The following SUCO variants were observed in gnomAD, a reference collection of about 807,000 sequenced individuals.
SUCO encodes SUN domain-containing ossification factor.
Under a neutral mutation model 148.1 loss-of-function variants are expected in SUCO, and 57 were observed. The ratio of observed to expected loss-of-function variants is 0.38; its 90% CI spans 0.31 to 0.48. The LOEUF is 0.48. Among genes scored for constraint, SUCO ranks in the 20% least tolerant of loss-of-function variants. SUCO has a pLI of 0.96. For synonymous variants in SUCO, 470 were observed against 502.7 expected, an observed-to-expected ratio of 0.93 and a Z score of 0.87; for missense variants, 1,331 against 1,468.2, an observed-to-expected ratio of 0.91 and a Z score of 1.53.
rs1651788207 is a variant in SUCO at position 172,533,609 on chromosome 1, C to T, written c.62+112C>T. ...TTTTAGGGTCCGGGTTTCCAAGGCC[C>T]CCGTGGAAGGGACAAACCGATTACT... is the stretch of plus-strand genomic sequence containing the variant. On this transcript the variant is annotated intron_variant, in intron 1 of 23. Coordinates refer to ENST00000263688, the MANE Select transcript of SUCO (RefSeq NM_014283.5). 7 of 1,345,284 alleles carry T rather than the reference C, an allele frequency of 5.2e-6. 1 individual carries two copies. The South Asian group carries it at 9.3e-5, about 18-fold the overall frequency. The allele number at this position is 1,345,284 out of a possible 1,614,324, so 83.3% of individuals were successfully genotyped here.
At chr1:172,558,294 T>C (rs1653891680) in intron 6 of SUCO, among the ~76,000 whole-genome samples, 1 of 152,210 alleles carries the variant, frequency 6.6e-6, no homozygotes, top group Non-Finnish European at 1.5e-5. Context: ...AGGCAGGGCT[T>C]ATCACAGTGG....
chr1:172,576,545 A>G (rs1341792680), intron 11 of SUCO, among the ~76,000 whole-genome samples: 1 of 151,740 alleles, frequency 6.6e-6, no homozygotes, highest in African/African-American at 2.4e-5. Context: ...AATGTTTTCA[A>G]TTCCTTCTAA....
intron 19 of SUCO, among the ~76,000 whole-genome samples, chr1:172,597,972 A>C (rs191996935): frequency 1.3e-5 from 2 of 152,348 alleles, no homozygotes; most frequent in Admixed American, 6.5e-5. Context: ...GAAGCCCAAT[A>C]TATCAGTTTT....
intron 3 of SUCO, among the ~76,000 whole-genome samples, chr1:172,554,944 T>C (rs1338914021): frequency 6.6e-6 from 1 of 152,184 alleles, no homozygotes; most frequent in East Asian, 1.9e-4. Flanking sequence ...TTCTCCGGAC[T>C]GCGTGCCTCG....
intron 9 of SUCO, among the ~76,000 whole-genome samples, chr1:172,571,207 C>T (rs575158019): frequency 7.2e-5 from 11 of 152,364 alleles, no homozygotes; most frequent in East Asian, 3.9e-4. Context: ...TGCAGGCGCG[C>T]GCCACCACGC....
In SUCO at chr1:172,600,187, A is replaced by G; in HGVS notation, c.3018+19A>G. The G allele has an allele frequency of 6.5e-7, 1 of 1,533,790 alleles. No individual in the cohort carries two copies. Among genetic ancestry groups the G allele is most frequent in the Non-Finnish European group, 9.0e-7 (1 of 1,112,128 alleles). On this transcript the variant is annotated intron_variant, in intron 20 of 23. Transcript: ENST00000263688. ...ACGGGAGGTAATTGTTATTGCTGGTATTGCGAGACCCAATGCATGTATAGA... is the reference window on the plus strand; with the variant it reads ...ACGGGAGGTAATTGTTATTGCTGGTGTTGCGAGACCCAATGCATGTATAGA...
intron 1 of SUCO, among the ~76,000 whole-genome samples, chr1:172,537,598 A>C (rs1652120621): frequency 6.6e-6 from 1 of 152,146 alleles, no homozygotes; most frequent in African/African-American, 2.4e-5. Flanking sequence ...AGTAAAACCC[A>C]TTGTTTGTGG....
Position 172,608,036 on chromosome 1 carries a change from A to G in SUCO, c.3266-711A>G, listed in dbSNP as rs182839100. ...CATAGCCTTTTAAAAATGTGTGTCT[A>G]TTTTGTCAGTGTGGGGGTGGGGTTG... is the stretch of plus-strand genomic sequence containing the variant. On this transcript the variant is annotated intron_variant, in intron 22 of 23. Transcript: ENST00000263688. 4.5e-5 allele frequency: 44 copies of G among 975,244 alleles called. No individual in the cohort carries two copies. The African/African-American group carries it at 6.1e-4, about 14-fold the overall frequency. The allele number at this position is 975,244 out of a possible 1,614,324, so 60.4% of individuals were successfully genotyped here. A position where few individuals can be genotyped will look rare whatever the true frequency, so the allele number is the denominator to read the frequency against.
chr1:172,568,665 A>C (rs141841408), intron 6 of SUCO, among the ~76,000 whole-genome samples: 3 of 152,142 alleles, frequency 2.0e-5, no homozygotes, highest in Non-Finnish European at 4.4e-5. Flanking sequence ...TGGATGTATT[A>C]ACTTATATTT....
In SUCO at chr1:172,557,758, A is replaced by G. The variant is rs1653857898; in HGVS notation, c.696A>G (p.Lys232=). ...GTGAACAGGGCGGTGGTGATCCAAA[A>G]TCTGCATTGAATGCTTCAGATAATT... is the stretch of plus-strand genomic sequence containing the variant. ...SASEQGGGDP[K]SALNASDNLK... Residue 232 remains lysine, a synonymous_variant, in exon 6 of 24, where the codon AAA becomes AAG. Coordinates refer to ENST00000263688, the MANE Select transcript of SUCO (RefSeq NM_014283.5). 8 of 1,606,446 alleles carry G rather than the reference A, an allele frequency of 5.0e-6. No homozygotes were observed. The highest frequency in any genetic ancestry group is 1.7e-5 in the Admixed American group (1 of 57,680).
rs1194139714 is a variant in SUCO, at chr1:172,573,905, T to C, written c.1064T>C (p.Leu355Pro). 6.3e-7 allele frequency: 1 copy of C among 1,585,572 alleles called. No individual in the cohort carries two copies. Among genetic ancestry groups the C allele is most frequent in the Non-Finnish European group, 8.6e-7 (1 of 1,157,838 alleles). The change falls in exon 10 of 24, where the codon CTT (leucine) becomes CCT (proline). Residue 355 changes from leucine to proline, a missense_variant. Coordinates refer to ENST00000263688, the MANE Select transcript of SUCO (RefSeq NM_014283.5). The part of the protein sequence containing the change: ...CSTKIWFVIE[L>P]CEPIQVKQLD... ...TCTTTTTGAAGGTTTGTTATTGAACTTTGTGAACCAATTCAAGTAAAACAG... is the reference window on the plus strand; with the variant it reads ...TCTTTTTGAAGGTTTGTTATTGAACCTTGTGAACCAATTCAAGTAAAACAG...
At chr1:172,553,146 T>C in intron 2 of SUCO, 114 bp from the exon 3 acceptor site, 1 of 1,169,098 alleles carries the variant, frequency 8.6e-7, no homozygotes, top group African/African-American at 1.6e-5. Flanking sequence ...TAGAGTCAAA[T>C]AAACAAGGCA....
rs116210246 is a variant in SUCO at position 172,552,642 on chromosome 1, C to T, written c.178-618C>T. The stretch of plus-strand genomic sequence containing the variant: ...AGCATTTAAAATTTTGAAGACTTGC[C>T]GCATATCTCAAAAAAAACTATAATT... On this transcript the variant is annotated intron_variant, in intron 2 of 23. Coordinates refer to ENST00000263688, the MANE Select transcript of SUCO (RefSeq NM_014283.5). The T allele has an allele frequency of 6.0e-3, 5,911 of 979,314 alleles. 29 individuals are homozygous for T. The highest frequency in any genetic ancestry group is 6.6e-3 in the Non-Finnish European group (5,425 of 824,634). The allele number at this position is 979,314 out of a possible 1,614,324, so 60.7% of individuals were successfully genotyped here. A position where few individuals can be genotyped will look rare whatever the true frequency, so the allele number is the denominator to read the frequency against.
intron 20 of SUCO, 43 bp downstream of exon 20, chr1:172,600,211 G>C (rs1203772256): frequency 7.4e-7 from 1 of 1,350,040 alleles, no homozygotes. Flanking sequence ...TGCATGTATA[G>C]AGGTTGTCAT....
intron 15 of SUCO, among the ~76,000 whole-genome samples, chr1:172,579,576 A>G (rs1452837486): frequency 6.6e-6 from 1 of 152,140 alleles, no homozygotes; most frequent in Non-Finnish European, 1.5e-5. Context: ...TTATTAAAAC[A>G]GTCATACCAC....
intron 19 of SUCO, among the ~76,000 whole-genome samples, chr1:172,593,723 G>C (rs1420209154): frequency 2.0e-5 from 3 of 152,138 alleles, no homozygotes; most frequent in African/African-American, 7.2e-5. Context: ...CAGGGATATT[G>C]GTCTAAAATT....
chr1:172,604,032 C>G (rs1162222431), intron 22 of SUCO, among the ~76,000 whole-genome samples: 1 of 151,894 alleles, frequency 6.6e-6, no homozygotes, highest in Non-Finnish European at 1.5e-5. Context: ...TTAGTAAATA[C>G]TGTCATACAA....
intron 15 of SUCO, among the ~76,000 whole-genome samples, chr1:172,582,426 A>T (rs1273982297): frequency 6.6e-6 from 1 of 152,154 alleles, no homozygotes; most frequent in Non-Finnish European, 1.5e-5. Context: ...AGCACTGAAG[A>T]CTGAGTAAAT....
At chr1:172,606,279 A>AT (rs1279126560) in intron 22 of SUCO, among the ~76,000 whole-genome samples, 79 of 89,420 alleles carry the variant, frequency 8.8e-4, no homozygotes, top group South Asian at 6.0e-3. Flanking sequence ...ATCCCTTTTA[A>AT]TTTTTTTTTT....
Sources: gnomAD v4.1 joint callset for allele counts (sites outside exome capture counted in the v4.1 genomes callset) on GRCh38, gnomAD v4.1.1 for gene constraint, MANE v1.5 for transcripts, NCBI Gene and HGNC (gene_info 2026-07-23, HGNC 2026-07-21) for gene names.